Variants in BMPR2 observed in about 807,000 individuals in gnomAD.
The protein encoded by BMPR2 is bone morphogenetic protein receptor type 2.
A neutral mutation model predicts 100.8 loss-of-function variants in BMPR2; 29 were observed. The observed-to-expected ratio is 0.29, with a 90% confidence interval of 0.21 to 0.39. The LOEUF (loss-of-function observed/expected upper bound fraction) is 0.39, where lower values mean the gene tolerates loss of function less well. Among genes scored for constraint, BMPR2 ranks in the 10% least tolerant of loss-of-function variants. BMPR2 has a pLI of 1.00. For missense variants in BMPR2, 1,011 were observed against 1,274.5 expected (o/e 0.79, Z 3.15); for synonymous variants, 382 against 442.3 (o/e 0.86, Z 1.71).
intron 7 of BMPR2, among the ~76,000 whole-genome samples, chr2:202,525,112 T>G (rs975029006): frequency 2.0e-5 from 3 of 152,220 alleles, no homozygotes; most frequent in Non-Finnish European, 4.4e-5. Flanking sequence ...GTATTAATTT[T>G]GTTTAAGTGA....
chr2:202,516,067 CT>C (rs1687705213), intron 5 of BMPR2, among the ~76,000 whole-genome samples: 2 of 152,042 alleles, frequency 1.3e-5, no homozygotes, highest in South Asian at 4.2e-4. Flanking sequence ...ATACATAAGG[CT>C]CTTTTATATA....
rs986809094 is a variant in BMPR2, at chr2:202,495,426, C to T, written c.419-18293C>T. On this transcript the variant is annotated intron_variant, in intron 3 of 12. Transcript: ENST00000374580. The surrounding 1 kb of genome is among the most constrained non-coding windows in gnomAD (Gnocchi z 4.5). ...CGGCGTGCGGGTGCCTATCGTTGTG[C>T]TCTTCTGCTGGCGTGCTCCTCTCGA... Among the ~76,000 whole-genome samples the T allele has an allele frequency of 6.6e-6, 1 of 152,184 alleles. No homozygotes were observed. The highest frequency in any genetic ancestry group is 1.5e-5 in the Non-Finnish European group (1 of 68,036).
intron 1 of BMPR2, among the ~76,000 whole-genome samples, chr2:202,446,232 TCTA>T (rs1033005195): frequency 6.7e-6 from 1 of 149,976 alleles, no homozygotes; most frequent in Non-Finnish European, 1.5e-5. Context: ...AAACCCTGTC[TCTA>T]CTAAAAACAC....
intron 7 of BMPR2, 59 bp from the exon 8 acceptor site, chr2:202,530,735 C>T (rs1370792627): frequency 4.2e-6 from 6 of 1,424,398 alleles, no homozygotes; most frequent in Non-Finnish European, 5.8e-6. Flanking sequence ...TATGTATGTT[C>T]ATTTCATGTT....
chr2:202,456,796 T>TA lies in BMPR2; in HGVS notation c.77-8013_77-8012insA, dbSNP rs530155569. Among the ~76,000 whole-genome samples the TA allele has an allele frequency of 6.6e-5, 10 of 152,312 alleles. No homozygotes were observed. In the South Asian group the frequency reaches 2.1e-3, roughly 32 times the overall value. The stretch of plus-strand genomic sequence containing the variant: ...TCCTAAAGTGCTGGGATTACAGGTA[T>TA]GAGCCACTGTGTCCAGACTGTATAG... On this transcript the variant is annotated intron_variant, in intron 1 of 12. Coordinates refer to ENST00000374580, the MANE Select transcript of BMPR2 (RefSeq NM_001204.7).
intron 1 of BMPR2, among the ~76,000 whole-genome samples, chr2:202,399,202 C>T (rs1163874958): frequency 8.5e-5 from 13 of 152,094 alleles, no homozygotes; most frequent in African/African-American, 3.1e-4. Context: ...GTGATAAATG[C>T]CACAGGGCTA....
chr2:202,457,035 G>C (rs1692122982), intron 1 of BMPR2, among the ~76,000 whole-genome samples: 1 of 151,688 alleles, frequency 6.6e-6, no homozygotes, highest in South Asian at 2.1e-4. Context: ...AAAGTGCCTT[G>C]GGATTTTTAG....
In BMPR2 at chr2:202,562,621, A is replaced by G. The variant is rs1463159019; in HGVS notation, c.*2675A>G. ...ATGTAGAAAAGTGGGGTCCTTTTGAATAAAAGATCATTCAACTAAAAATAT... is the reference window on the plus strand; with the variant it reads ...ATGTAGAAAAGTGGGGTCCTTTTGAGTAAAAGATCATTCAACTAAAAATAT... On this transcript the variant is annotated 3_prime_UTR_variant, in exon 13 of 13. Coordinates refer to ENST00000374580, the MANE Select transcript of BMPR2 (RefSeq NM_001204.7). 2.6e-5 allele frequency: 4 copies of G among 152,250 alleles called. No homozygotes were observed. Among genetic ancestry groups the G allele is most frequent in the African/African-American group, 9.7e-5 (4 of 41,444 alleles). The allele number at this position is 152,250 out of a possible 1,614,324, so 9.4% of individuals were successfully genotyped here.
intron 6 of BMPR2, 59 bp downstream of exon 6, chr2:202,519,111 C>T: frequency 6.4e-7 from 1 of 1,555,012 alleles, no homozygotes; most frequent in South Asian, 1.1e-5. Flanking sequence ...CCTGTAATCC[C>T]AGCACTTTTG....
intron 3 of BMPR2, among the ~76,000 whole-genome samples, chr2:202,484,081 TATATAACTA>T (rs1692718840): frequency 6.6e-6 from 1 of 152,230 alleles, no homozygotes; most frequent in Admixed American, 6.5e-5. Flanking sequence ...TATCTTACTC[TATATAACTA>T]ACCCAGAAGA....
chr2:202,468,364 G>A lies in BMPR2; in HGVS notation c.418+675G>A, dbSNP rs1381331275. On this transcript the variant is annotated intron_variant, in intron 3 of 12. Transcript: ENST00000374580. Reference sequence around the variant, plus strand: ...CGTGGTGGTGCGCATGTGTAGTTCAGCTATTTGGGAGGCTGAGGTTGGAGA... The same window carrying A: ...CGTGGTGGTGCGCATGTGTAGTTCAACTATTTGGGAGGCTGAGGTTGGAGA... Among the ~76,000 whole-genome samples, 4 of 152,244 alleles carry A rather than the reference G, an allele frequency of 2.6e-5. No individual in the cohort carries two copies. The East Asian group carries it at 7.7e-4, about 29-fold the overall frequency.
chr2:202,406,132 C>T (rs993719642), intron 1 of BMPR2, among the ~76,000 whole-genome samples: 2 of 152,104 alleles, frequency 1.3e-5, no homozygotes, highest in African/African-American at 4.8e-5. Context: ...TATGGGTGGC[C>T]CTATCTCTAC....
rs114726233 is a variant in BMPR2 at position 202,554,003 on chromosome 2, G to A, written c.1586+1115G>A. Reference sequence around the variant, plus strand: ...AGCCACCGTGCCCGGCCTATTTTCTGTTCTAATTTGTGAAAGCTATTTGTA... The same window carrying A: ...AGCCACCGTGCCCGGCCTATTTTCTATTCTAATTTGTGAAAGCTATTTGTA... On this transcript the variant is annotated intron_variant, in intron 11 of 12. Coordinates refer to ENST00000374580, the MANE Select transcript of BMPR2 (RefSeq NM_001204.7). Among the ~76,000 whole-genome samples the A allele has an allele frequency of 8.5e-3, 1,300 of 152,230 alleles. 9 individuals are homozygous for A. The highest frequency in any genetic ancestry group is 0.015 in the South Asian group (70 of 4,826).
At chr2:202,430,936 G>A (rs1691490680) in intron 1 of BMPR2, among the ~76,000 whole-genome samples, 2 of 148,606 alleles carry the variant, frequency 1.3e-5, no homozygotes, top group South Asian at 4.2e-4. Context: ...TCCAGTCTGG[G>A]CAACAAGAGC....
At chr2:202,528,986 C>T (rs938645824) in intron 7 of BMPR2, among the ~76,000 whole-genome samples, 7 of 152,040 alleles carry the variant, frequency 4.6e-5, no homozygotes, top group Non-Finnish European at 8.8e-5. Flanking sequence ...TTGTTGCTTC[C>T]GAATAAGGAA....
At chr2:202,550,427 A>G (rs1688456665) in intron 10 of BMPR2, among the ~76,000 whole-genome samples, 1 of 151,096 alleles carries the variant, frequency 6.6e-6, no homozygotes, top group Non-Finnish European at 1.5e-5. Flanking sequence ...TATGTTGCCC[A>G]GGCTTGTCTT....
At chr2:202,415,686 C>T (rs555507668) in intron 1 of BMPR2, among the ~76,000 whole-genome samples, 64 of 152,248 alleles carry the variant, frequency 4.2e-4, no homozygotes, top group African/African-American at 1.5e-3. Flanking sequence ...AACAACAAAG[C>T]CTGAATGACA....
chr2:202,451,136 ACT>A (rs1352204071), intron 1 of BMPR2, among the ~76,000 whole-genome samples: 3 of 152,040 alleles, frequency 2.0e-5, no homozygotes, highest in African/African-American at 7.2e-5. Context: ...GTGTTATGTG[ACT>A]CTTGTATTTT....
intron 1 of BMPR2, among the ~76,000 whole-genome samples, chr2:202,422,110 T>C (rs1691275755): frequency 2.0e-5 from 3 of 152,110 alleles, no homozygotes; most frequent in South Asian, 2.1e-4. Flanking sequence ...GGTTTCACCG[T>C]GTTGGCCAGG....
Sources: allele counts gnomAD v4.1 joint callset (sites outside exome capture counted in the v4.1 genomes callset), GRCh38; gene constraint gnomAD v4.1.1; non-coding constraint Gnocchi (gnomAD v3.1); transcripts MANE v1.5; gene names NCBI Gene and HGNC (gene_info 2026-07-23, HGNC 2026-07-21).